The following TRMT1L variants were observed in gnomAD, a reference collection of about 807,000 sequenced individuals.
TRMT1L encodes the protein tRNA methyltransferase 1L.
TRMT1L carries 28 observed loss-of-function variants against 81.6 expected under a neutral mutation model. That is an observed-to-expected ratio of 0.34 (90% CI 0.25 to 0.47). The LOEUF (loss-of-function observed/expected upper bound fraction) is 0.47. Among genes scored for constraint, TRMT1L ranks in the 20% least tolerant of loss-of-function variants. The pLI is 1.00. For synonymous variants in TRMT1L, 301 were observed against 303.2 expected (o/e 0.99, Z 0.07); for missense variants, 739 against 877.1 (o/e 0.84, Z 1.99).
rs915925952 is a variant in TRMT1L, at chr1:185,120,034, G to T, written c.2187C>A (p.Gly729=). 14 of 1,613,466 alleles carry T rather than the reference G, an allele frequency of 8.7e-6. No individual in the cohort carries two copies. The highest frequency in any genetic ancestry group is 1.2e-5 in the Non-Finnish European group (14 of 1,179,734). ...MSVNDKAEAS[G]CRRW is the part of the protein sequence containing the mutation. ...TTCTCTACGTTTACCATCTTCTGCA[G>T]CCACTTGCTTCTGCTTTGTCATTCA... Residue 729 remains glycine, a synonymous_variant, in exon 15 of 15, where the codon GGC becomes GGA. Coordinates refer to ENST00000367506, the MANE Select transcript of TRMT1L (RefSeq NM_030934.5).
intron 1 of TRMT1L, among the ~76,000 whole-genome samples, chr1:185,155,306 T>G (rs1362783294): frequency 6.6e-6 from 1 of 152,332 alleles, no homozygotes; most frequent in East Asian, 1.9e-4. Context: ...AGGAGGCTAC[T>G]TAGGAGGGTG....
At chr1:185,151,012 G>A (rs534872622) in intron 2 of TRMT1L, among the ~76,000 whole-genome samples, 16 of 152,272 alleles carry the variant, frequency 1.1e-4, no homozygotes, top group South Asian at 8.3e-4. Flanking sequence ...GAGACGGGGC[G>A]CATAGTTACA....
chr1:185,150,580 C>T, intron 2 of TRMT1L, 88 bp from the exon 3 acceptor site: 1 of 848,240 alleles, frequency 1.2e-6, no homozygotes, highest in Non-Finnish European at 1.9e-6. Context: ...TGGGGGCTCC[C>T]CCTCCTACTT....
At chr1:185,157,202 T>G, upstream of TRMT1L, 1 of 158,296 alleles carries the variant, frequency 6.3e-6, no homozygotes, top group Non-Finnish European at 1.4e-5. Flanking sequence ...AGAACTACGT[T>G]TCCCAGCAGG....
chr1:185,133,185 G>C (rs531903613), intron 10 of TRMT1L, among the ~76,000 whole-genome samples: 1 of 152,322 alleles, frequency 6.6e-6, no homozygotes, highest in African/African-American at 2.4e-5. Context: ...AGTTACCGAA[G>C]AGTTGCATAA....
At chr1:185,141,100 C>A (rs1376158132) in intron 7 of TRMT1L, among the ~76,000 whole-genome samples, 1 of 151,990 alleles carries the variant, frequency 6.6e-6, no homozygotes, top group Non-Finnish European at 1.5e-5. Flanking sequence ...ACATTCATTA[C>A]AAAATGGGAG....
intron 11 of TRMT1L, among the ~76,000 whole-genome samples, chr1:185,126,480 T>C (rs1652632399): frequency 6.6e-6 from 1 of 152,118 alleles, no homozygotes; most frequent in East Asian, 1.9e-4. Context: ...CTTCTCTATA[T>C]ATCCTCAATG....
Position 185,143,916 on chromosome 1 carries a change from T to G in TRMT1L, c.769A>C (p.Lys257Gln). 6.2e-7 allele frequency: 1 copy of G among 1,606,562 alleles called. No individual in the cohort carries two copies. The highest frequency in any genetic ancestry group is 1.7e-5 in the Admixed American group (1 of 59,474). The change falls in exon 6 of 15, where the codon AAA becomes CAA. Residue 257 changes from lysine to glutamine, a missense_variant. By Grantham distance (53) the Lys-to-Gln change is moderately conservative. Transcript: ENST00000367506. ...TTCAATTTATCTTACCGATTTAGTT[T>G]CATTTTGGGGTTAAAATAGGAATCT... ...KTDSYFNPKM[K>Q]LNRQLIFCTL...
chr1:185,123,581 C>A (rs1405739707), intron 13 of TRMT1L, among the ~76,000 whole-genome samples: 2 of 151,858 alleles, frequency 1.3e-5, no homozygotes, highest in Admixed American at 1.3e-4. Context: ...ATAACTTTAT[C>A]ATATATAATT....
intron 2 of TRMT1L, 85 bp downstream of exon 2, chr1:185,151,740 A>C (rs1006532446): frequency 2.1e-5 from 19 of 892,900 alleles, no homozygotes; most frequent in Non-Finnish European, 3.0e-5. Flanking sequence ...AAACAAGTCT[A>C]CTCTTACCAA....
chr1:185,153,438 G>A (rs1310846250), intron 1 of TRMT1L, among the ~76,000 whole-genome samples: 1 of 152,176 alleles, frequency 6.6e-6, no homozygotes, highest in African/African-American at 2.4e-5. Context: ...AGGTAATGCA[G>A]AAGCCAAGGG....
At chr1:185,124,796 C>A in intron 12 of TRMT1L, 148 bp downstream of exon 12, 1 of 651,810 alleles carries the variant, frequency 1.5e-6, no homozygotes. Context: ...AAAAAAAAAC[C>A]AGAGGATCAG....
chr1:185,146,802 G>A (rs183096994), intron 4 of TRMT1L, among the ~76,000 whole-genome samples: 1 of 152,070 alleles, frequency 6.6e-6, no homozygotes, highest in African/African-American at 2.4e-5. Flanking sequence ...TGGGGAAGAT[G>A]AATTAAATCA....
At chr1:185,125,213 A>ATATC in intron 11 of TRMT1L, 103 bp from the exon 12 acceptor site, 1 of 704,108 alleles carries the variant, frequency 1.4e-6, no homozygotes, top group Non-Finnish European at 2.1e-6. Flanking sequence ...AATTAATTAT[A>ATATC]TGACAGAGTA....
chr1:185,153,841 T>C (rs1653425693), intron 1 of TRMT1L, among the ~76,000 whole-genome samples: 1 of 152,218 alleles, frequency 6.6e-6, no homozygotes, highest in African/African-American at 2.4e-5. Context: ...TATTAGGTTA[T>C]ACAATTTAAA....
chr1:185,139,429 G>A lies in TRMT1L; in HGVS notation c.1260C>T (p.Asn420=), dbSNP rs1328879591. ...CCTTGTAATATTCAGTTCGGACAAT[G>A]TTACATCCGTAGTGACGCCGGGCAA... ...QHVARRHYGC[N]IVRTEYYKEL... Residue 420 remains asparagine, a synonymous_variant, in exon 9 of 15, where the codon AAC becomes AAT. Coordinates refer to ENST00000367506, the MANE Select transcript of TRMT1L (RefSeq NM_030934.5). The A allele has an allele frequency of 1.2e-6, 2 of 1,614,112 alleles. No individual in the cohort carries two copies. Among genetic ancestry groups the A allele is most frequent in the South Asian group, 1.1e-5 (1 of 91,080 alleles).
At chr1:185,140,442 T>A (rs1653008068) in intron 7 of TRMT1L, among the ~76,000 whole-genome samples, 1 of 152,198 alleles carries the variant, frequency 6.6e-6, no homozygotes, top group Non-Finnish European at 1.5e-5. Context: ...TATTTTATGA[T>A]CCTTGTTCAA....
At chr1:185,120,576 ATATT>A (rs1202190338) in intron 13 of TRMT1L, 67 bp from the exon 14 acceptor site, 25 of 1,330,872 alleles carry the variant, frequency 1.9e-5, no homozygotes, top group Admixed American at 2.7e-5. Context: ...TTATAACTAT[ATATT>A]TATCTCAAGT....
intron 10 of TRMT1L, among the ~76,000 whole-genome samples, chr1:185,134,963 T>C (rs1305700796): frequency 2.6e-5 from 4 of 152,114 alleles, no homozygotes; most frequent in Non-Finnish European, 5.9e-5. Context: ...TCTAATAACA[T>C]AGAGATGGTA....
Sources: gnomAD v4.1 joint callset for allele counts (sites outside exome capture counted in the v4.1 genomes callset) on GRCh38, gnomAD v4.1.1 for gene constraint, MANE v1.5 for transcripts, NCBI Gene and HGNC (gene_info 2026-07-23, HGNC 2026-07-21) for gene names.